FREM3: variants seen among roughly 807,000 people sequenced by gnomAD.
FREM3 encodes FRAS1-related extracellular matrix protein 3.
Under a neutral mutation model 129.1 loss-of-function variants are expected in FREM3, and 105 were observed. The observed-to-expected ratio is 0.81, with a 90% confidence interval of 0.69 to 0.96. The LOEUF (loss-of-function observed/expected upper bound fraction) is 0.96, where lower values mean the gene tolerates loss of function less well. Ranked by LOEUF, FREM3 falls within the 40% of genes least tolerant of loss-of-function variation. The pLI, the probability that FREM3 is intolerant of heterozygous loss-of-function variation, is 0.00. For synonymous variants in FREM3, 1,014 were observed against 1,044.9 expected, an observed-to-expected ratio of 0.97 and a Z score of 0.57; for missense variants, 2,593 against 2,666.3, an observed-to-expected ratio of 0.97 and a Z score of 0.61.
At chr4:143,652,600 A>G (rs1044513481) in intron 2 of FREM3, among the ~76,000 whole-genome samples, 1 of 152,168 alleles carries the variant, frequency 6.6e-6, no homozygotes, top group African/African-American at 2.4e-5. Flanking sequence ...GAGTTAGGTA[A>G]ATTGAGGTGA....
chr4:143,647,078 G>T (rs9918000), intron 2 of FREM3, among the ~76,000 whole-genome samples: 75,705 of 152,036 alleles, frequency 0.5, 19,638 homozygotes, highest in East Asian at 0.71. Context: ...TATGGGCAAT[G>T]AAGTCCAGGT....
rs1740651522 is a variant in FREM3, at chr4:143,699,523, G to A, written c.1153C>T (p.Leu385=). 23 of 1,537,270 alleles carry A rather than the reference G, an allele frequency of 1.5e-5. No individual in the cohort carries two copies. Among genetic ancestry groups the A allele is most frequent in the Non-Finnish European group, 2.0e-5 (23 of 1,146,928 alleles). ...SFFTQQELRE[L]KIAYQPPAEN... Reference sequence around the variant, plus strand: ...GCAGGGGGCTGATAGGCAATCTTCAGCTCCCTCAGCTCCTGCTGGGTGAAG... The same window carrying A: ...GCAGGGGGCTGATAGGCAATCTTCAACTCCCTCAGCTCCTGCTGGGTGAAG... The change falls in exon 1 of 8, where the codon CTG becomes TTG. Residue 385 remains leucine (L), a synonymous_variant. Transcript: ENST00000329798. The surrounding 1 kb of genome is among the most constrained non-coding windows in gnomAD (Gnocchi z 4.2).
At chr4:143,655,913 A>T (rs924777261) in intron 2 of FREM3, among the ~76,000 whole-genome samples, 2 of 152,164 alleles carry the variant, frequency 1.3e-5, no homozygotes, top group Non-Finnish European at 2.9e-5. Context: ...AACTCCTCAG[A>T]GGATGTGTAA....
chr4:143,661,618 A>T (rs545316201), intron 2 of FREM3, among the ~76,000 whole-genome samples: 1 of 152,038 alleles, frequency 6.6e-6, no homozygotes, highest in Non-Finnish European at 1.5e-5. Context: ...TGAGTTAGGG[A>T]GGATTCCCTC....
chr4:143,617,689 G>T (rs999059740), intron 5 of FREM3, among the ~76,000 whole-genome samples: 9 of 151,000 alleles, frequency 6.0e-5, no homozygotes, highest in Admixed American at 2.6e-4. Flanking sequence ...TTTACATTTG[G>T]GAAGGAAAAA....
intron 2 of FREM3, among the ~76,000 whole-genome samples, chr4:143,648,191 G>A (rs1739452402): frequency 6.6e-6 from 1 of 152,168 alleles, no homozygotes; most frequent in Admixed American, 6.5e-5. Context: ...TCTCTCATTT[G>A]GAACAGGTGT....
At position 143,596,873 on chromosome 4, in the gene FREM3, G is replaced by A. The variant is rs571145821; in HGVS notation, c.6029-10880C>T. 3.9e-5 allele frequency among the ~76,000 whole-genome samples: 6 copies of A among 152,254 alleles called. No homozygotes were observed. In the South Asian group the frequency reaches 1.2e-3, roughly 32 times the overall value. ...GGATCACTTGAGCCCAGGAGATTGT[G>A]GCTGCAGTGAGCCATGATTGTACCA... On this transcript the variant is annotated intron_variant, in intron 6 of 7. Coordinates refer to ENST00000329798, the MANE Select transcript of FREM3 (RefSeq NM_001168235.2).
chr4:143,672,532 C>T (rs1436019736), intron 2 of FREM3, among the ~76,000 whole-genome samples: 1 of 152,144 alleles, frequency 6.6e-6, no homozygotes, highest in African/African-American at 2.4e-5. Flanking sequence ...ACATTTTTTC[C>T]TTCATTTCAA....
chr4:143,647,123 G>A (rs779740624), intron 2 of FREM3, among the ~76,000 whole-genome samples: 21 of 152,236 alleles, frequency 1.4e-4, no homozygotes, highest in Admixed American at 3.3e-4. Context: ...GGAACTTGTC[G>A]GAAATTGAAA....
At position 143,625,867 on chromosome 4, in the gene FREM3, GGTAT is replaced by G. The variant is rs561186788; in HGVS notation, c.5423-1533_5423-1530del. Among the ~76,000 whole-genome samples the G allele has an allele frequency of 5.0e-3, 761 of 152,236 alleles. 3 individuals carry two copies. Among genetic ancestry groups the G allele is most frequent in the Non-Finnish European group, 7.4e-3 (505 of 68,008 alleles). ...TATTTATCACTTCTTGAGCATTGGC[GGTAT>G]GCCAAGAACTGTGCTAGATTGATTT... On this transcript the variant is annotated intron_variant, in intron 3 of 7. Coordinates refer to ENST00000329798, the MANE Select transcript of FREM3 (RefSeq NM_001168235.2).
At chr4:143,623,502 C>CCG (rs1738990951) in intron 4 of FREM3, among the ~76,000 whole-genome samples, 1 of 137,054 alleles carries the variant, frequency 7.3e-6, no homozygotes, top group African/African-American at 2.6e-5. Context: ...ATCCCCCCCC[C>CCG]CCCCCACCAT....
intron 2 of FREM3, among the ~76,000 whole-genome samples, chr4:143,668,419 C>A (rs180822773): frequency 6.6e-6 from 1 of 152,172 alleles, no homozygotes; most frequent in Admixed American, 6.5e-5. Context: ...CAAACAACTG[C>A]CAAAAAATAG....
intron 6 of FREM3, among the ~76,000 whole-genome samples, chr4:143,588,868 A>G (rs1029795424): frequency 1.0e-4 from 15 of 150,122 alleles, no homozygotes; most frequent in Non-Finnish European, 1.9e-4. Context: ...CAACAGGGTA[A>G]AAGTGTTCCT....
intron 5 of FREM3, 137 bp downstream of exon 5, chr4:143,620,900 A>G: frequency 1.3e-6 from 1 of 771,248 alleles, no homozygotes; most frequent in Non-Finnish European, 2.0e-6. Context: ...GGTTCGCAGC[A>G]GGGCATGGAC....
chr4:143,631,108 G>A (rs1000622969), intron 2 of FREM3, among the ~76,000 whole-genome samples: 7 of 152,100 alleles, frequency 4.6e-5, no homozygotes, highest in African/African-American at 1.7e-4. Context: ...GCTCCCTGGT[G>A]TATTGGTCAT....
At chr4:143,595,804 C>T (rs139659853) in intron 6 of FREM3, among the ~76,000 whole-genome samples, 262 of 147,302 alleles carry the variant, frequency 1.8e-3, no homozygotes, top group African/African-American at 6.1e-3. Flanking sequence ...AGAAGAATGG[C>T]GTGAACCTGG....
intron 2 of FREM3, among the ~76,000 whole-genome samples, chr4:143,664,309 G>T (rs2149853614): frequency 6.6e-6 from 1 of 152,206 alleles, no homozygotes; most frequent in East Asian, 1.9e-4. Context: ...TAACAGACAG[G>T]ACCCTCAGCT....
At chr4:143,663,501 C>T (rs1433206064) in intron 2 of FREM3, among the ~76,000 whole-genome samples, 1 of 152,110 alleles carries the variant, frequency 6.6e-6, no homozygotes. Flanking sequence ...ACCTTGCTCT[C>T]TGGCTGCCCT....
rs545440666 is a variant in FREM3, at chr4:143,696,507, G to C, written c.4169C>G (p.Thr1390Arg). Residue 1390 changes from threonine (T) to arginine (R), a missense_variant, in exon 1 of 8, where the codon ACA becomes AGA. By Grantham distance (71) the Thr-to-Arg change is moderately conservative. Coordinates refer to ENST00000329798, the MANE Select transcript of FREM3 (RefSeq NM_001168235.2). Reference sequence around the variant, plus strand: ...AATGTCAACAATCCCTTCTTGGCCTGTGTGGATATAGCAGATGAGGCCTCT... The same window carrying C: ...AATGTCAACAATCCCTTCTTGGCCTCTGTGGATATAGCAGATGAGGCCTCT... ...INRGLICYIH[T>R]GQEGIVDIIK... 6 of 1,537,482 alleles carry C rather than the reference G, an allele frequency of 3.9e-6. 1 individual carries two copies. Among genetic ancestry groups the C allele is most frequent in the Middle Eastern group, 3.3e-4 (2 of 6,016 alleles).
Sources: gnomAD v4.1 joint callset for allele counts (sites outside exome capture counted in the v4.1 genomes callset) on GRCh38, gnomAD v4.1.1 for gene constraint, Gnocchi (gnomAD v3.1) non-coding constraint, MANE v1.5 for transcripts, NCBI Gene and HGNC (gene_info 2026-07-23, HGNC 2026-07-21) for gene names.